CSMD1: variants seen among roughly 807,000 people sequenced by gnomAD.
CSMD1 encodes CUB and sushi domain-containing protein 1.
A neutral mutation model predicts 417.5 loss-of-function variants in CSMD1; 213 were observed. The ratio of observed to expected loss-of-function variants is 0.51; its 90% CI spans 0.46 to 0.57. The LOEUF (loss-of-function observed/expected upper bound fraction) is 0.57, where lower values mean the gene tolerates loss of function less well. Ranked by LOEUF, CSMD1 falls within the 20% of genes least tolerant of loss-of-function variation. The pLI is 0.00. For synonymous variants in CSMD1, 2,862 were observed against 1,736.8 expected (o/e 1.65, Z -16.11); for missense variants, 6,923 against 4,529.7 (o/e 1.53, Z -15.17).
chr8:3,986,456 G>A (rs1051789525), intron 5 of CSMD1, among the ~76,000 whole-genome samples: 6 of 152,118 alleles, frequency 3.9e-5, no homozygotes, highest in South Asian at 2.1e-4. Flanking sequence ...TCAGGGTATA[G>A]CCATGTGCAA....
chr8:4,327,277 T>G (rs3947178), intron 3 of CSMD1, among the ~76,000 whole-genome samples: 1 of 152,062 alleles, frequency 6.6e-6, no homozygotes, highest in Admixed American at 6.6e-5. Context: ...CAATTGCTCT[T>G]TAAGTATCTC....
At chr8:4,475,297 T>C (rs1442746482) in intron 2 of CSMD1, among the ~76,000 whole-genome samples, 6 of 152,280 alleles carry the variant, frequency 3.9e-5, no homozygotes, top group African/African-American at 1.4e-4. Context: ...GAAATCTAAA[T>C]ATTACAAGCA....
intron 5 of CSMD1, among the ~76,000 whole-genome samples, chr8:3,874,210 C>G (rs557517809): frequency 6.6e-6 from 1 of 152,212 alleles, no homozygotes; most frequent in Admixed American, 6.5e-5. Flanking sequence ...GAAGACCTTC[C>G]TAACCTTCCT....
intron 7 of CSMD1, chr8:3,700,450 C>G (rs1180224236): frequency 6.6e-6 from 1 of 151,968 alleles, no homozygotes; most frequent in Admixed American, 6.6e-5. Flanking sequence ...AACACAAAAA[C>G]AGAGCAAGTA....
chr8:4,150,823 G>A lies in CSMD1; in HGVS notation c.416-118724C>T, dbSNP rs138872782. 2.0e-3 allele frequency among the ~76,000 whole-genome samples: 310 copies of A among 152,202 alleles called. 1 individual carries two copies. The highest frequency in any genetic ancestry group is 6.7e-3 in the African/African-American group (279 of 41,496). ...CTTGCAGAGGTGTTGGGAGAAGACAGGGAGGGACAGAATAACCTTAACAAT... is the reference window on the plus strand; with the variant it reads ...CTTGCAGAGGTGTTGGGAGAAGACAAGGAGGGACAGAATAACCTTAACAAT... On this transcript the variant is annotated intron_variant, in intron 3 of 69. Coordinates refer to ENST00000635120, the MANE Select transcript of CSMD1 (RefSeq NM_033225.6).
chr8:4,041,564 A>G (rs893769506), intron 3 of CSMD1, among the ~76,000 whole-genome samples: 1 of 152,222 alleles, frequency 6.6e-6, no homozygotes, highest in Non-Finnish European at 1.5e-5. Context: ...AGCACCTGTC[A>G]AAGTGAGATT....
chr8:4,245,277 A>G (rs1057402007), intron 3 of CSMD1, among the ~76,000 whole-genome samples: 5 of 152,168 alleles, frequency 3.3e-5, no homozygotes, highest in African/African-American at 9.7e-5. Context: ...ATATAACTCT[A>G]CATATGTTAA....
At chr8:4,212,835 A>T (rs1475478734) in intron 3 of CSMD1, among the ~76,000 whole-genome samples, 2 of 146,058 alleles carry the variant, frequency 1.4e-5, no homozygotes, top group Non-Finnish European at 3.0e-5. Context: ...GGCATTTGGG[A>T]AACACCCTTC....
rs184200128 is a variant in CSMD1, at chr8:3,417,798, T to C, written c.1562-8193A>G. Among the ~76,000 whole-genome samples, 257 of 152,192 alleles carry C rather than the reference T, an allele frequency of 1.7e-3. 1 individual carries two copies. Among genetic ancestry groups the C allele is most frequent in the African/African-American group, 5.3e-3 (221 of 41,486 alleles). ...TTTTCATCACCTTCGGAAAACAAGA[T>C]TGCAGCACATAAATGGAAGTCTACA... On this transcript the variant is annotated intron_variant, in intron 12 of 69. Transcript: ENST00000635120.
chr8:3,474,830 A>C (rs1314836798), intron 11 of CSMD1, among the ~76,000 whole-genome samples: 1 of 152,220 alleles, frequency 6.6e-6, no homozygotes, highest in Non-Finnish European at 1.5e-5. Flanking sequence ...TTGACTCTAT[A>C]GTACATATTG....
At chr8:4,491,853 G>C (rs996732724) in intron 2 of CSMD1, among the ~76,000 whole-genome samples, 2 of 152,102 alleles carry the variant, frequency 1.3e-5, no homozygotes, top group South Asian at 2.1e-4. Context: ...GTACGATCCA[G>C]CAACTGTCCT....
intron 1 of CSMD1, among the ~76,000 whole-genome samples, chr8:4,785,057 A>G (rs1306559334): frequency 1.3e-5 from 2 of 152,236 alleles, no homozygotes; most frequent in Admixed American, 1.3e-4. Context: ...GTGGATATTT[A>G]TATAACTATC....
At chr8:4,332,336 A>G (rs957825691) in intron 3 of CSMD1, among the ~76,000 whole-genome samples, 1 of 152,106 alleles carries the variant, frequency 6.6e-6, no homozygotes, top group Admixed American at 6.6e-5. Flanking sequence ...AGGATCACCA[A>G]AACGCTGAAA....
chr8:4,655,660 A>T (rs1189611819), intron 1 of CSMD1, among the ~76,000 whole-genome samples: 1 of 152,058 alleles, frequency 6.6e-6, no homozygotes, highest in Non-Finnish European at 1.5e-5. Context: ...AATCATTTAG[A>T]TGAAAAGTCA....
chr8:3,644,675 G>A (rs1264405137), intron 7 of CSMD1, among the ~76,000 whole-genome samples: 1 of 152,146 alleles, frequency 6.6e-6, no homozygotes, highest in African/African-American at 2.4e-5. Flanking sequence ...AGTGGCTGAA[G>A]AAGAGACCCA....
At chr8:3,216,667 T>A (rs759647026) in intron 29 of CSMD1, among the ~76,000 whole-genome samples, 16 of 152,230 alleles carry the variant, frequency 1.1e-4, no homozygotes, top group Admixed American at 2.0e-4. Context: ...GCACATTTTT[T>A]GCTTACAATT....
At chr8:4,512,696 C>A (rs1179508661) in intron 2 of CSMD1, among the ~76,000 whole-genome samples, 1 of 151,690 alleles carries the variant, frequency 6.6e-6, no homozygotes, top group Admixed American at 6.6e-5. Flanking sequence ...CATTAGCATA[C>A]CCCAAAATGA....
chr8:4,208,948 G>C (rs757849660), intron 3 of CSMD1, among the ~76,000 whole-genome samples: 9 of 152,108 alleles, frequency 5.9e-5, no homozygotes, highest in Non-Finnish European at 1.0e-4. Flanking sequence ...TTGACCCTTT[G>C]CAGTACGCAA....
At chr8:3,979,518 G>T (rs892940665) in intron 5 of CSMD1, among the ~76,000 whole-genome samples, 1 of 152,188 alleles carries the variant, frequency 6.6e-6, no homozygotes, top group African/African-American at 2.4e-5. Flanking sequence ...TACAGAAGCT[G>T]TAACTCTCCA....
Sources: allele counts gnomAD v4.1 joint callset (sites outside exome capture counted in the v4.1 genomes callset), GRCh38; gene constraint gnomAD v4.1.1; transcripts MANE v1.5; gene names NCBI Gene and HGNC (gene_info 2026-07-23, HGNC 2026-07-21).